Variants in KIF5B observed in about 807,000 individuals in gnomAD.
KIF5B encodes kinesin-1 heavy chain.
KIF5B carries 49 observed loss-of-function variants against 132.8 expected under a neutral mutation model. The observed-to-expected ratio is 0.37, with a 90% CI of 0.29 to 0.47. The LOEUF (loss-of-function observed/expected upper bound fraction) is 0.47. Among genes scored for constraint, KIF5B ranks in the 20% least tolerant of loss-of-function variants. KIF5B has a pLI of 1.00. For missense variants in KIF5B, 780 were observed against 1,144.0 expected (o/e 0.68, Z 4.59); for synonymous variants, 355 against 369.4 (o/e 0.96, Z 0.45).
At chr10:32,035,864 G>A (rs2132602848) in intron 9 of KIF5B, 26 bp downstream of exon 9, 2 of 1,549,454 alleles carry the variant, frequency 1.3e-6, no homozygotes, top group Non-Finnish European at 1.8e-6. Flanking sequence ...TAAGGTAACA[G>A]GGAGATAGAA....
intron 9 of KIF5B, 78 bp from the exon 10 acceptor site, chr10:32,035,745 T>C (rs1841453549): frequency 7.0e-7 from 1 of 1,421,144 alleles, no homozygotes. Context: ...AAAAGACAAC[T>C]AACTTACACA....
intron 15 of KIF5B, among the ~76,000 whole-genome samples, chr10:32,027,390 T>C (rs1841346585): frequency 6.6e-6 from 1 of 152,124 alleles, no homozygotes; most frequent in Admixed American, 6.6e-5. Flanking sequence ...AATATTAGTA[T>C]CTTTAAAAAG....
intron 12 of KIF5B, 98 bp from the exon 13 acceptor site, chr10:32,032,872 C>T: frequency 1.2e-6 from 1 of 859,534 alleles, no homozygotes; most frequent in Non-Finnish European, 1.9e-6. Context: ...AGAAATATTT[C>T]AAAACCATTT....
chr10:32,026,263 T>C (rs1323126211), intron 15 of KIF5B, among the ~76,000 whole-genome samples: 1 of 151,546 alleles, frequency 6.6e-6, no homozygotes, highest in Non-Finnish European at 1.5e-5. Flanking sequence ...TGAAACTCCA[T>C]CTCTACTAAA....
At chr10:32,040,269 G>A (rs1841515260) in intron 3 of KIF5B, 115 bp downstream of exon 3, 3 of 714,928 alleles carry the variant, frequency 4.2e-6, no homozygotes, top group Non-Finnish European at 7.6e-6. Flanking sequence ...TTATTTGTAT[G>A]AGAAAAGGCA....
At chr10:32,023,406 A>T (rs1244344197) in intron 15 of KIF5B, among the ~76,000 whole-genome samples, 3 of 152,248 alleles carry the variant, frequency 2.0e-5, no homozygotes, top group Non-Finnish European at 4.4e-5. Context: ...GTGCACGTTC[A>T]GCTTAAAATT....
intron 1 of KIF5B, among the ~76,000 whole-genome samples, chr10:32,052,632 A>AT (rs1358914463): frequency 1.3e-5 from 2 of 151,828 alleles, no homozygotes; most frequent in African/African-American, 4.8e-5. Context: ...TTTTCTACTG[A>AT]TTTTTTTCTG....
Position 32,009,679 on chromosome 10 carries a change from T to C in KIF5B, c.*1858A>G, listed in dbSNP as rs530487634. ...AAAGAGAAAAAAAAATTCTGCTTCA[T>C]TTACGAATGTTGCCAAAGGAGGCAA... On this transcript the variant is annotated 3_prime_UTR_variant, in exon 26 of 26. Coordinates refer to ENST00000302418, the MANE Select transcript of KIF5B (RefSeq NM_004521.3). The C allele has an allele frequency of 2.6e-5, 4 of 152,196 alleles. No homozygotes were observed. The highest frequency in any genetic ancestry group is 4.4e-5 in the Non-Finnish European group (3 of 68,036). The allele number at this position is 152,196 out of a possible 1,614,324, so 9.4% of individuals were successfully genotyped here. A position where few individuals can be genotyped will look rare whatever the true frequency, so the allele number is the denominator to read the frequency against.
chr10:32,021,255 T>C lies in KIF5B; in HGVS notation c.2065A>G (p.Asn689Asp). Residue 689 changes from asparagine (N) to aspartate (D), a missense_variant, in exon 18 of 26, where the codon AAT becomes GAT. Asn to Asp is a conservative substitution (Grantham distance 23). This residue lies in a region of KIF5B where 471 missense variants were observed against 569.9 expected (regional missense o/e 0.83). Transcript: ENST00000302418. Reference protein sequence around the residue: ...KVHEMEKEHLNKVQTANEVKQ... With the variant: ...KVHEMEKEHLDKVQTANEVKQ... ...ACTTCATTTGCAGTCTGAACCTTATTTAAGTGCTCCTTTTCCATTTCATGG... is the reference window on the plus strand; with the variant it reads ...ACTTCATTTGCAGTCTGAACCTTATCTAAGTGCTCCTTTTCCATTTCATGG... 6.2e-7 allele frequency: 1 copy of C among 1,613,112 alleles called. No individual in the cohort carries two copies. Among genetic ancestry groups the C allele is most frequent in the Non-Finnish European group, 8.5e-7 (1 of 1,179,282 alleles).
At chr10:32,047,851 T>A (rs978842257) in intron 2 of KIF5B, among the ~76,000 whole-genome samples, 2 of 152,222 alleles carry the variant, frequency 1.3e-5, no homozygotes, top group African/African-American at 4.8e-5. Context: ...GTAACAGCCA[T>A]TCCTTTGATT....
intron 20 of KIF5B, among the ~76,000 whole-genome samples, chr10:32,018,835 G>A (rs1841217773): frequency 6.6e-6 from 1 of 151,964 alleles, no homozygotes; most frequent in Non-Finnish European, 1.5e-5. Flanking sequence ...AAATAGCTGG[G>A]ACTACAGGCA....
At chr10:32,040,485 G>A (rs1176583064) in intron 2 of KIF5B, 28 bp from the exon 3 acceptor site, 1 of 1,359,046 alleles carries the variant, frequency 7.4e-7, no homozygotes, top group African/African-American at 1.4e-5. Flanking sequence ...ATAGTTCAGG[G>A]GATTTTTTCC....
chr10:32,044,800 G>T (rs1485975396), intron 2 of KIF5B, among the ~76,000 whole-genome samples: 1 of 152,192 alleles, frequency 6.6e-6, no homozygotes, highest in East Asian at 1.9e-4. Context: ...GAAAGGTTAG[G>T]TAACTTGCCA....
chr10:32,025,513 C>T (rs542094882), intron 15 of KIF5B, among the ~76,000 whole-genome samples: 7 of 152,310 alleles, frequency 4.6e-5, no homozygotes, highest in African/African-American at 1.4e-4. Context: ...ATAGCTGGGA[C>T]TATAGGCGTG....
chr10:32,022,538 G>A (rs1841278148), intron 16 of KIF5B, among the ~76,000 whole-genome samples: 1 of 152,102 alleles, frequency 6.6e-6, no homozygotes, highest in Admixed American at 6.5e-5. Context: ...TTCTGATAGT[G>A]GTGAATGGCC....
chr10:32,043,137 G>A (rs1024537468), intron 2 of KIF5B, among the ~76,000 whole-genome samples: 7 of 152,040 alleles, frequency 4.6e-5, no homozygotes, highest in African/African-American at 1.7e-4. Flanking sequence ...CCAAGTAGCT[G>A]GGATTACAGG....
At chr10:32,026,604 A>G (rs1222093782) in intron 15 of KIF5B, among the ~76,000 whole-genome samples, 3 of 150,906 alleles carry the variant, frequency 2.0e-5, no homozygotes, top group African/African-American at 4.9e-5. Flanking sequence ...GGTATAGTGG[A>G]AAAAAAAATC....
intron 1 of KIF5B, among the ~76,000 whole-genome samples, chr10:32,054,412 C>G (rs1042514788): frequency 1.1e-4 from 16 of 152,198 alleles, no homozygotes; most frequent in African/African-American, 3.9e-4. Context: ...TAATAGTTGG[C>G]AATTGTTAGT....
At chr10:32,030,656 TCA>T (rs1267245291) in intron 14 of KIF5B, among the ~76,000 whole-genome samples, 1 of 152,216 alleles carries the variant, frequency 6.6e-6, no homozygotes, top group South Asian at 2.1e-4. Context: ...TCCAAATAAT[TCA>T]CAGTTGATTA....
Sources: gnomAD v4.1 joint callset for allele counts (sites outside exome capture counted in the v4.1 genomes callset) on GRCh38, gnomAD v4.1.1 for gene constraint, gnomAD v4.1.1 regional missense constraint, MANE v1.5 for transcripts, NCBI Gene and HGNC (gene_info 2026-07-23, HGNC 2026-07-21) for gene names.